Variants in SERPINE2 observed in about 807,000 individuals in gnomAD.
SERPINE2 encodes the protein serpin family E member 2.
A neutral mutation model predicts 36.3 loss-of-function variants in SERPINE2; 14 were observed. That is an observed-to-expected ratio of 0.39 (90% CI 0.25 to 0.60). The LOEUF (loss-of-function observed/expected upper bound fraction) is 0.60. SERPINE2 is among the 20% of genes least tolerant of loss of function. The pLI, the probability that SERPINE2 is intolerant of heterozygous loss-of-function variation, is 0.57. For missense variants in SERPINE2, 418 were observed against 499.6 expected (o/e 0.84, Z 1.56); for synonymous variants, 192 against 191.8 (o/e 1.00, Z -0.01).
At chr2:223,987,839 T>C (rs1690496412) in intron 4 of SERPINE2, among the ~76,000 whole-genome samples, 1 of 152,316 alleles carries the variant, frequency 6.6e-6, no homozygotes, top group South Asian at 2.1e-4. Context: ...GCTCACACTG[T>C]AAAATCAAAG....
chr2:224,025,278 C>A (rs912564611), intron 1 of SERPINE2, among the ~76,000 whole-genome samples: 16 of 152,202 alleles, frequency 1.1e-4, no homozygotes, highest in Non-Finnish European at 1.9e-4. Context: ...TTGGCACTAA[C>A]CCCATTCCCC....
chr2:224,029,751 G>C lies in SERPINE2; in HGVS notation c.-23+9348C>G, dbSNP rs141417834. On this transcript the variant is annotated intron_variant, in intron 1 of 8. Coordinates refer to ENST00000409304, the MANE Select transcript of SERPINE2 (RefSeq NM_001136528.2). ...GCCTCCCTCTGTTACCCAGGCTGGA[G>C]TGCAGTGGCACAATTCTGCTTACTG... is the stretch of plus-strand genomic sequence containing the variant. Among the ~76,000 whole-genome samples, 553 of 152,330 alleles carry C rather than the reference G, an allele frequency of 3.6e-3. 1 individual carries two copies. Among genetic ancestry groups the C allele is most frequent in the Non-Finnish European group, 6.8e-3 (462 of 68,038 alleles).
chr2:224,029,510 A>C (rs541169127), intron 1 of SERPINE2, among the ~76,000 whole-genome samples: 39 of 152,338 alleles, frequency 2.6e-4, no homozygotes, highest in Admixed American at 1.1e-3. Context: ...GACCATCACC[A>C]TGTGCTTTAA....
intron 1 of SERPINE2, among the ~76,000 whole-genome samples, chr2:224,012,798 C>T (rs1018532443): frequency 1.3e-5 from 2 of 152,100 alleles, no homozygotes; most frequent in African/African-American, 2.4e-5. Context: ...GGAACTGAGA[C>T]TCTGGAATAG....
intron 1 of SERPINE2, among the ~76,000 whole-genome samples, chr2:224,005,096 T>TATAAAA (rs1251441985): frequency 7.6e-6 from 1 of 132,024 alleles, no homozygotes; most frequent in African/African-American, 3.0e-5. Context: ...TATATATATA[T>TATAAAA]AAAACATTGT....
chr2:224,016,370 G>A (rs762579995), intron 1 of SERPINE2, among the ~76,000 whole-genome samples: 4 of 152,132 alleles, frequency 2.6e-5, no homozygotes, highest in Non-Finnish European at 5.9e-5. Context: ...GTCAGTCGTC[G>A]CGGCAGGTGC....
intron 7 of SERPINE2, chr2:223,979,739 T>A (rs1690152442): frequency 6.6e-6 from 1 of 152,422 alleles, no homozygotes; most frequent in Non-Finnish European, 1.5e-5. Flanking sequence ...CTTCGGTTTA[T>A]CCTGGATAGA....
At chr2:224,036,676 G>A (rs930990662) in intron 1 of SERPINE2, among the ~76,000 whole-genome samples, 12 of 150,260 alleles carry the variant, frequency 8.0e-5, no homozygotes, top group African/African-American at 2.9e-4. Flanking sequence ...TGTTCAGGAA[G>A]TCACAGGCCT....
intron 1 of SERPINE2, among the ~76,000 whole-genome samples, chr2:224,002,481 G>A (rs945714781): frequency 4.6e-5 from 7 of 151,582 alleles, no homozygotes; most frequent in African/African-American, 1.2e-4. Context: ...TTTAATTCTC[G>A]GTTATTTTAT....
intron 3 of SERPINE2, among the ~76,000 whole-genome samples, chr2:223,995,932 C>A (rs74320736): frequency 0.034 from 5,154 of 152,210 alleles, 141 homozygotes; most frequent in Non-Finnish European, 0.047. Flanking sequence ...ATATACATTT[C>A]TTTTGTTTTC....
intron 1 of SERPINE2, among the ~76,000 whole-genome samples, chr2:224,024,285 G>T (rs1337380765): frequency 6.6e-6 from 1 of 152,110 alleles, no homozygotes; most frequent in Non-Finnish European, 1.5e-5. Context: ...GTAAAAAGGT[G>T]ATCACTGCCC....
At chr2:224,027,909 C>G (rs1361802427) in intron 1 of SERPINE2, among the ~76,000 whole-genome samples, 1 of 152,198 alleles carries the variant, frequency 6.6e-6, no homozygotes, top group Non-Finnish European at 1.5e-5. Context: ...TCCTTCTTGT[C>G]CTGTGTGGGG....
chr2:223,975,694 C>A lies in SERPINE2; in HGVS notation c.*173G>T. The A allele has an allele frequency of 1.9e-6, 1 of 513,150 alleles. No individual in the cohort carries two copies. The highest frequency in any genetic ancestry group is 2.8e-5 in the East Asian group (1 of 35,324). The allele number at this position is 513,150 out of a possible 1,614,324, so 31.8% of individuals were successfully genotyped here. A position where few individuals can be genotyped will look rare whatever the true frequency, so the allele number is the denominator to read the frequency against. ...GTTCCAGCCATCCTGCTTGTTTTTT[C>A]CCTCCAATACCTCCCAGAACAGAAA... On this transcript the variant is annotated 3_prime_UTR_variant, in exon 9 of 9. Transcript: ENST00000409304.
At chr2:223,978,576 T>G (rs1690104550) in intron 7 of SERPINE2, 1 of 152,258 alleles carries the variant, frequency 6.6e-6, no homozygotes, top group Admixed American at 6.5e-5. Context: ...CAGGCTTGTT[T>G]CCATTTAATA....
chr2:224,013,442 C>G (rs1357846349), intron 1 of SERPINE2, among the ~76,000 whole-genome samples: 1 of 152,202 alleles, frequency 6.6e-6, no homozygotes, highest in Non-Finnish European at 1.5e-5. Flanking sequence ...CTTGCACTTT[C>G]CCTCTAGCTG....
At chr2:223,997,946 T>C (rs747025297) in intron 3 of SERPINE2, among the ~76,000 whole-genome samples, 169 bp downstream of exon 3, 5 of 152,132 alleles carry the variant, frequency 3.3e-5, no homozygotes, top group South Asian at 2.1e-4. Flanking sequence ...CAGTGAGCAA[T>C]GGCAGATTGA....
intron 1 of SERPINE2, among the ~76,000 whole-genome samples, chr2:224,017,631 GC>G (rs1401386521): frequency 6.6e-6 from 1 of 152,182 alleles, no homozygotes; most frequent in Non-Finnish European, 1.5e-5. Context: ...CACCTCCACT[GC>G]CAATTATCTG....
chr2:223,979,461 G>T (rs1233044765), intron 7 of SERPINE2: 2 of 152,206 alleles, frequency 1.3e-5, no homozygotes. Flanking sequence ...CACATCTATT[G>T]TGAGTATAAC....
chr2:224,032,859 T>C (rs138374571), intron 1 of SERPINE2, among the ~76,000 whole-genome samples: 7 of 152,320 alleles, frequency 4.6e-5, no homozygotes, highest in African/African-American at 1.4e-4. Context: ...GCCATCCTCA[T>C]GCACAGAAAG....
Sources: gnomAD v4.1 joint callset for allele counts (sites outside exome capture counted in the v4.1 genomes callset) on GRCh38, gnomAD v4.1.1 for gene constraint, MANE v1.5 for transcripts, NCBI Gene and HGNC (gene_info 2026-07-23, HGNC 2026-07-21) for gene names.